The following TG variants were observed in gnomAD, a reference collection of about 807,000 sequenced individuals.
TG encodes the protein thyroid hormones.
TG carries 270 observed loss-of-function variants against 324.7 expected under a neutral mutation model. The observed-to-expected ratio is 0.83, with a 90% CI of 0.75 to 0.92. The LOEUF (loss-of-function observed/expected upper bound fraction) is 0.92. TG is among the 40% of genes least tolerant of loss of function. The pLI, the probability that TG is intolerant of heterozygous loss-of-function variation, is 0.00. For synonymous variants in TG, 1,401 were observed against 1,327.0 expected (o/e 1.06, Z -1.21); for missense variants, 3,591 against 3,456.4 (o/e 1.04, Z -0.98).
chr8:133,060,460 C>T (rs1236557926), intron 41 of TG: 2 of 1,176,990 alleles, frequency 1.7e-6, no homozygotes, highest in African/African-American at 1.6e-5. Context: ...TTCCATTCCT[C>T]CGCACCCTTG....
At chr8:133,071,231 C>T (rs1843968141) in intron 41 of TG, among the ~76,000 whole-genome samples, 1 of 152,214 alleles carries the variant, frequency 6.6e-6, no homozygotes, top group African/African-American at 2.4e-5. Context: ...CCACAACTCT[C>T]TGGAGTATGC....
intron 41 of TG, among the ~76,000 whole-genome samples, chr8:133,069,807 C>A (rs531711649): frequency 6.6e-6 from 1 of 151,806 alleles, no homozygotes; most frequent in Non-Finnish European, 1.5e-5. Context: ...TCAAGACCAG[C>A]CCGGCCAACA....
intron 38 of TG, 43 bp downstream of exon 38, chr8:133,018,040 A>G (rs966947484): frequency 1.3e-6 from 2 of 1,586,580 alleles, no homozygotes; most frequent in Non-Finnish European, 1.7e-6. Context: ...GCTCAGAGAA[A>G]TCTCCTCCAT....
chr8:132,896,712 G>T (rs566223359), intron 11 of TG, among the ~76,000 whole-genome samples: 2 of 152,026 alleles, frequency 1.3e-5, no homozygotes, highest in South Asian at 2.1e-4. Flanking sequence ...ATTCATTCAC[G>T]CTTTTTTCCC....
At position 132,982,315 on chromosome 8, in the gene TG, C is replaced by T. The variant is rs1470275474; in HGVS notation, c.6200-1035C>T. 3.9e-5 allele frequency among the ~76,000 whole-genome samples: 6 copies of T among 152,264 alleles called. No individual in the cohort carries two copies. The East Asian group carries it at 5.8e-4, about 15-fold the overall frequency. ...TTGACTGCTGGCCATGCTACATTGC[C>T]GCAGCTCCCTGTGAGCAAGGAGATC... On this transcript the variant is annotated intron_variant, in intron 34 of 47. Coordinates refer to ENST00000220616, the MANE Select transcript of TG (RefSeq NM_003235.5).
At chr8:133,021,928 G>C (rs1455301834) in intron 39 of TG, 63 bp from the exon 40 acceptor site, 104 of 1,605,782 alleles carry the variant, frequency 6.5e-5, no homozygotes, top group Non-Finnish European at 8.5e-7. Flanking sequence ...CAAGAATCAG[G>C]CTCCAAGCAT....
At chr8:132,879,558 T>C (rs916311506) in intron 5 of TG, among the ~76,000 whole-genome samples, 5 of 152,354 alleles carry the variant, frequency 3.3e-5, no homozygotes, top group African/African-American at 1.2e-4. Context: ...TCATATTAGC[T>C]CTTCTCACTA....
At chr8:132,983,286 C>A (rs1406970961) in intron 34 of TG, 64 bp from the exon 35 acceptor site, 48 of 1,526,996 alleles carry the variant, frequency 3.1e-5, no homozygotes, top group Non-Finnish European at 4.0e-5. Flanking sequence ...TATATTAATG[C>A]CTTCTGAACT....
intron 35 of TG, among the ~76,000 whole-genome samples, chr8:132,983,919 G>C (rs532008927): frequency 1.3e-5 from 2 of 152,278 alleles, no homozygotes; most frequent in Non-Finnish European, 2.9e-5. Context: ...CGGTAACATA[G>C]CCTGGACCCA....
intron 41 of TG, among the ~76,000 whole-genome samples, chr8:133,067,094 T>C (rs1427932169): frequency 1.3e-5 from 2 of 152,008 alleles, no homozygotes; most frequent in African/African-American, 4.8e-5. Flanking sequence ...TCAGGAAAAA[T>C]AAGAGCTGGC....
intron 26 of TG, among the ~76,000 whole-genome samples, chr8:132,942,972 C>T (rs1406576546): frequency 6.6e-6 from 1 of 152,172 alleles, no homozygotes; most frequent in African/African-American, 2.4e-5. Flanking sequence ...GATCAGGAAG[C>T]AGGTGTTTTT....
At chr8:133,115,557 G>C (rs1297859619) in intron 44 of TG, among the ~76,000 whole-genome samples, 2 of 152,196 alleles carry the variant, frequency 1.3e-5, no homozygotes, top group Non-Finnish European at 2.9e-5. Context: ...AGGAAGACGG[G>C]CACCCCTTTT....
chr8:132,977,574 C>A (rs561691865), intron 34 of TG, among the ~76,000 whole-genome samples: 1 of 152,172 alleles, frequency 6.6e-6, no homozygotes, highest in Admixed American at 6.5e-5. Flanking sequence ...GCCTCACAAT[C>A]GTGACGGAAG....
At chr8:132,917,046 C>A (rs1436184189) in intron 20 of TG, among the ~76,000 whole-genome samples, 1 of 120,742 alleles carries the variant, frequency 8.3e-6, no homozygotes, top group East Asian at 2.6e-4. Flanking sequence ...TCCCTCCCTC[C>A]TTCCTTCCTT....
chr8:133,118,111 C>G (rs115969954), intron 45 of TG, among the ~76,000 whole-genome samples: 1 of 152,070 alleles, frequency 6.6e-6, no homozygotes, highest in Non-Finnish European at 1.5e-5. Flanking sequence ...TAATGGCCAC[C>G]TCAAGATAGA....
At chr8:132,987,872 G>A (rs1330895942) in intron 35 of TG, among the ~76,000 whole-genome samples, 1 of 152,102 alleles carries the variant, frequency 6.6e-6, no homozygotes, top group Admixed American at 6.5e-5. Context: ...ACCAGCTAGT[G>A]TGTTAGAAAC....
intron 4 of TG, among the ~76,000 whole-genome samples, chr8:132,872,393 G>A (rs1181085538): frequency 6.6e-6 from 1 of 151,168 alleles, no homozygotes; most frequent in East Asian, 2.0e-4. Context: ...CAGGAGAATG[G>A]CGTGAACCCG....
intron 19 of TG, among the ~76,000 whole-genome samples, chr8:132,912,829 G>C (rs1461561243): frequency 1.3e-5 from 2 of 152,192 alleles, no homozygotes; most frequent in Non-Finnish European, 2.9e-5. Flanking sequence ...AGGAAATCTG[G>C]GTTGGAGTCC....
rs10105992 is a variant in TG, at chr8:133,013,538, A to G, written c.6398-62A>G. 750,983 of 1,596,538 alleles carry G rather than the reference A, an allele frequency of 0.47. 182,811 individuals carry two copies. The highest frequency in any genetic ancestry group is 0.68 in the African/African-American group (50,412 of 74,462). ...GGATGGTTGGATGGATGACTGGAAG[A>G]ATGCATGAGTGAAGTAACATCTCTG... On this transcript the variant is annotated intron_variant, in intron 36 of 47. Coordinates refer to ENST00000220616, the MANE Select transcript of TG (RefSeq NM_003235.5).
Sources: allele counts gnomAD v4.1 joint callset (sites outside exome capture counted in the v4.1 genomes callset), GRCh38; gene constraint gnomAD v4.1.1; transcripts MANE v1.5; gene names NCBI Gene and HGNC (gene_info 2026-07-23, HGNC 2026-07-21).